Variants in GGT7 observed in about 807,000 individuals in gnomAD.
GGT7 encodes the protein gamma-glutamyltransferase 7.
In GGT7, 30 loss-of-function variants were observed where a neutral mutation model predicts 69.2. The observed-to-expected ratio is 0.43, with a 90% CI of 0.32 to 0.59. GGT7 has a LOEUF of 0.59. Among genes scored for constraint, GGT7 ranks in the 20% least tolerant of loss-of-function variants. The pLI is 0.05. For missense variants in GGT7, 733 were observed against 901.1 expected, an observed-to-expected ratio of 0.81 and a Z score of 2.39; for synonymous variants, 388 against 391.8, an observed-to-expected ratio of 0.99 and a Z score of 0.12.
chr20:34,872,518 G>A (rs1357562633), intron 1 of GGT7, 129 bp downstream of exon 1: 1 of 638,356 alleles, frequency 1.6e-6, no homozygotes, highest in Non-Finnish European at 2.4e-6. Flanking sequence ...AGACAAGGGA[G>A]AAGAAGGGAG....
chr20:34,859,941 C>T (rs1331006280), intron 6 of GGT7, 28 bp downstream of exon 6: 1 of 1,440,906 alleles, frequency 6.9e-7, no homozygotes, highest in Admixed American at 2.0e-5. Flanking sequence ...AACCTCATGT[C>T]TCTCCCAAAT....
intron 8 of GGT7, among the ~76,000 whole-genome samples, chr20:34,856,395 G>A (rs80292762): frequency 6.6e-6 from 1 of 152,294 alleles, no homozygotes; most frequent in East Asian, 1.9e-4. Context: ...GGCACTATGA[G>A]GAGCTGGGTC....
chr20:34,845,129 A>ACCACCACCC lies in GGT7; in HGVS notation c.*198_*199insGGGTGGTGG. ...GCTGACACTCACCACCACCACCACC[A>ACCACCACCC]CCACCACCACCACCACCACCACCAC... On this transcript the variant is annotated 3_prime_UTR_variant, in exon 15 of 15. Transcript: ENST00000336431. The ACCACCACCC allele has an allele frequency of 2.9e-6, 1 of 339,568 alleles. No individual in the cohort carries two copies. 21.0% of individuals were successfully genotyped at this position (339,568 alleles called of 1,614,324 possible). A position where few individuals can be genotyped will look rare whatever the true frequency, so the allele number is the denominator to read the frequency against.
chr20:34,862,803 C>G lies in GGT7; in HGVS notation c.557+11G>C, dbSNP rs757868577. On this transcript the variant is annotated intron_variant, in intron 3 of 14. Transcript: ENST00000336431. ...TAGGCCTGGGGGACCCCGACCTCCA[C>G]TGCTCCTTACCCGCCCAGGCCAGAA... 1 of 1,613,778 alleles carries G rather than the reference C, an allele frequency of 6.2e-7. No individual in the cohort carries two copies.
Position 34,845,051 on chromosome 20 carries a change from C to T in GGT7, c.*277G>A. The T allele has an allele frequency of 2.1e-6, 1 of 475,520 alleles. No individual in the cohort carries two copies. The highest frequency in any genetic ancestry group is 3.8e-6 in the Non-Finnish European group (1 of 264,252). The allele number at this position is 475,520 out of a possible 1,614,324, so 29.5% of individuals were successfully genotyped here. On this transcript the variant is annotated 3_prime_UTR_variant, in exon 15 of 15. Transcript: ENST00000336431. ...TGGCTGAAGGAGGAGAGGTGACACA[C>T]AGACAGATAGTCTGATTCCTCAAGG... is the stretch of plus-strand genomic sequence containing the variant.
chr20:34,852,556 G>A lies in GGT7; in HGVS notation c.1320-18C>T, dbSNP rs1601222011. The A allele has an allele frequency of 6.4e-7, 1 of 1,559,634 alleles. No individual in the cohort carries two copies. The highest frequency in any genetic ancestry group is 8.7e-7 in the Non-Finnish European group (1 of 1,155,080). On this transcript the variant is annotated intron_variant, in intron 10 of 14. Transcript: ENST00000336431. Reference sequence around the variant, plus strand: ...CCACCTTGCTGAAAAGACAAGGGGTGGGAGATGAGCAAACAACAGGCTCTC... The same window carrying A: ...CCACCTTGCTGAAAAGACAAGGGGTAGGAGATGAGCAAACAACAGGCTCTC...
intron 10 of GGT7, among the ~76,000 whole-genome samples, chr20:34,854,109 G>T (rs2079445971): frequency 6.6e-6 from 1 of 152,134 alleles, no homozygotes; most frequent in African/African-American, 2.4e-5. Context: ...GCTAATTTTT[G>T]TATTTTTAGT....
At position 34,859,477 on chromosome 20, in the gene GGT7, G is replaced by A. The variant is rs754750303; in HGVS notation, c.980C>T (p.Ala327Val). Residue 327 changes from alanine (A) to valine (V), a missense_variant, in exon 7 of 15, where the codon GCA (alanine) becomes GTA (valine). By Grantham distance (64) the Ala-to-Val change is moderately conservative. Transcript: ENST00000336431. ...CATCTCCAGTGTGAGGTTGCCACCTGCGTAGAAGGCAGCCGGGCCGGAGGT... is the reference window on the plus strand; with the variant it reads ...CATCTCCAGTGTGAGGTTGCCACCTACGTAGAAGGCAGCCGGGCCGGAGGT... ...LGTSGPAAFY[A>V]GGNLTLEMVA... 7 of 1,602,800 alleles carry A rather than the reference G, an allele frequency of 4.4e-6. No homozygotes were observed. Among genetic ancestry groups the A allele is most frequent in the Non-Finnish European group, 6.0e-6 (7 of 1,171,474 alleles).
chr20:34,865,896 T>C (rs565788178), intron 1 of GGT7, among the ~76,000 whole-genome samples: 1 of 152,376 alleles, frequency 6.6e-6, no homozygotes, highest in Admixed American at 6.5e-5. Flanking sequence ...CTTGACCTCA[T>C]GCTGTACTCA....
intron 14 of GGT7, among the ~76,000 whole-genome samples, chr20:34,849,041 C>T (rs2079344456): frequency 6.6e-6 from 1 of 152,156 alleles, no homozygotes; most frequent in Admixed American, 6.6e-5. Context: ...TCCTTGCTTA[C>T]CTTGGTCTCC....
At chr20:34,861,966 T>C (rs6120747) in intron 3 of GGT7, among the ~76,000 whole-genome samples, 49,082 of 152,002 alleles carry the variant, frequency 0.32, 8,500 homozygotes, top group Middle Eastern at 0.4. Context: ...GGATAGAACA[T>C]GCAAAACCAA....
intron 6 of GGT7, 119 bp from the exon 7 acceptor site, chr20:34,859,758 G>A (rs1231840522): frequency 1.1e-6 from 1 of 909,260 alleles, no homozygotes; most frequent in Non-Finnish European, 1.7e-6. Context: ...TGACCCCCAG[G>A]AGCCTGTTAA....
chr20:34,860,453 G>A (rs2079573485), intron 4 of GGT7, 132 bp from the exon 5 acceptor site: 2 of 710,080 alleles, frequency 2.8e-6, no homozygotes, highest in African/African-American at 3.5e-5. Flanking sequence ...TATCCCAGGG[G>A]AGGGACAAGC....
At chr20:34,850,322 A>C in intron 13 of GGT7, 3 of 628,234 alleles carry the variant, frequency 4.8e-6, no homozygotes, top group African/African-American at 1.8e-5. Flanking sequence ...ACTAGAACCA[A>C]GTCTCTTTAA....
intron 1 of GGT7, among the ~76,000 whole-genome samples, chr20:34,869,668 G>A (rs930375190): frequency 6.6e-6 from 1 of 152,136 alleles, no homozygotes; most frequent in Non-Finnish European, 1.5e-5. Flanking sequence ...ATACTTAGGA[G>A]GGGTGCAGAG....
chr20:34,860,381 G>T, intron 4 of GGT7, 60 bp from the exon 5 acceptor site: 1 of 1,291,804 alleles, frequency 7.7e-7, no homozygotes, highest in Non-Finnish European at 1.1e-6. Context: ...GGGGGTGCTG[G>T]GCTGAACTCC....
intron 12 of GGT7, 93 bp from the exon 13 acceptor site, chr20:34,851,461 T>C (rs1308481072): frequency 1.6e-6 from 2 of 1,271,706 alleles, no homozygotes; most frequent in Non-Finnish European, 2.2e-6. Context: ...GCTCTCCCTC[T>C]TCTACATCTT....
Position 34,863,398 on chromosome 20 carries a change from A to G in GGT7, c.320T>C (p.Leu107Pro), listed in dbSNP as rs747228208. Residue 107 changes from leucine to proline, a missense_variant, in exon 2 of 15, where the codon CTC becomes CCC. Physicochemically the swap from Leu to Pro is moderately conservative, Grantham distance 98. Transcript: ENST00000336431. This position sits in a 1 kb window ranked among gnomAD's most constrained non-coding sequence, Gnocchi z 4.4. ...GAGACAGGCCGTGACGATGACCGTGAGCCCATCCTGGCGGCAGGAGCACTC... is the reference window on the plus strand; with the variant it reads ...GAGACAGGCCGTGACGATGACCGTGGGCCCATCCTGGCGGCAGGAGCACTC... ...AAECSCRQDG[L>P]TVIVTACLTF... is the part of the protein sequence containing the mutation. 3.1e-6 allele frequency: 5 copies of G among 1,613,886 alleles called. No individual in the cohort carries two copies. The highest frequency in any genetic ancestry group is 3.4e-6 in the Non-Finnish European group (4 of 1,180,028).
chr20:34,862,847 C>G lies in GGT7; in HGVS notation c.524G>C (p.Gly175Ala), dbSNP rs767465785. 13 of 1,614,138 alleles carry G rather than the reference C, an allele frequency of 8.1e-6. No homozygotes were observed. The South Asian group carries it at 1.1e-4, about 14-fold the overall frequency. Reference protein sequence around the residue: ...DAAVAAALCLGIVAPHSSGLG... With the variant: ...DAAVAAALCLAIVAPHSSGLG... The stretch of plus-strand genomic sequence containing the variant: ...GCCAGAACTGTGTGGAGCCACGATA[C>G]CCAAACACAAGGCTGCTGCCACCGC... The change falls in exon 3 of 15, where the codon GGT becomes GCT. Residue 175 changes from glycine (G) to alanine (A), a missense_variant. By Grantham distance (60) the Gly-to-Ala change is moderately conservative. Transcript: ENST00000336431.
Sources: gnomAD v4.1 joint callset for allele counts (sites outside exome capture counted in the v4.1 genomes callset) on GRCh38, gnomAD v4.1.1 for gene constraint, Gnocchi (gnomAD v3.1) non-coding constraint, MANE v1.5 for transcripts, NCBI Gene and HGNC (gene_info 2026-07-23, HGNC 2026-07-21) for gene names.